RASA3: variants seen among roughly 807,000 people sequenced by gnomAD.
The protein encoded by RASA3 is RAS p21 protein activator 3, also known as ras GTPase-activating protein 3.
RASA3 carries 73 observed loss-of-function variants against 110.0 expected under a neutral mutation model. The observed-to-expected ratio is 0.66, with a 90% CI of 0.55 to 0.81. RASA3 has a LOEUF of 0.81. RASA3 is among the 30% of genes least tolerant of loss of function. The pLI is 0.00. For synonymous variants in RASA3, 500 were observed against 451.4 expected (o/e 1.11, Z -1.37); for missense variants, 976 against 1,113.2 (o/e 0.88, Z 1.75).
chr13:114,013,118 TCGGTCCCTCAGC>T lies in RASA3; in HGVS notation c.1512+12_1512+23del. ...GCGTCGCAGGACAGCTCAGAAAGCC[TCGGTCCCTCAGC>T]CGGTCACTCACCGTGTGGTGCGGCG... On this transcript the variant is annotated intron_variant, in intron 15 of 23. Coordinates refer to ENST00000334062, the MANE Select transcript of RASA3 (RefSeq NM_007368.4). 6.3e-7 allele frequency: 1 copy of T among 1,599,904 alleles called. No homozygotes were observed. Among genetic ancestry groups the T allele is most frequent in the Non-Finnish European group, 8.5e-7 (1 of 1,172,866 alleles).
chr13:114,041,413 C>G (rs2054404246), intron 3 of RASA3, among the ~76,000 whole-genome samples: 1 of 152,272 alleles, frequency 6.6e-6, no homozygotes, highest in South Asian at 2.1e-4. Flanking sequence ...CGGTAAGTCT[C>G]CACTGTGTCC....
chr13:113,982,990 C>G (rs936167854), intron 22 of RASA3, among the ~76,000 whole-genome samples: 1 of 151,828 alleles, frequency 6.6e-6, no homozygotes, highest in Admixed American at 6.6e-5. Context: ...ACAATTTTTA[C>G]GGCAGCCCAA....
At chr13:114,024,145 C>A in intron 8 of RASA3, 134 bp downstream of exon 8, 1 of 941,782 alleles carries the variant, frequency 1.1e-6, no homozygotes, top group Non-Finnish European at 1.7e-6. Context: ...CTTCTAACAT[C>A]CTGTTGTGAA....
At chr13:114,050,719 C>T (rs566060280) in intron 3 of RASA3, among the ~76,000 whole-genome samples, 2 of 152,366 alleles carry the variant, frequency 1.3e-5, no homozygotes, top group East Asian at 1.9e-4. Context: ...AGACAGCCTA[C>T]GCGTTACCTA....
intron 21 of RASA3, among the ~76,000 whole-genome samples, chr13:113,996,243 G>A (rs2053254331): frequency 1.3e-5 from 2 of 152,152 alleles, no homozygotes; most frequent in African/African-American, 2.4e-5. Context: ...ACGGCCTGGG[G>A]AGTCCCCCTT....
At chr13:114,082,804 T>C (rs1423168751) in intron 1 of RASA3, among the ~76,000 whole-genome samples, 1 of 152,146 alleles carries the variant, frequency 6.6e-6, no homozygotes, top group Admixed American at 6.5e-5. Context: ...AGGGGAAAAA[T>C]GCATGCACGA....
intron 1 of RASA3, among the ~76,000 whole-genome samples, chr13:114,129,947 C>T (rs2080495877): frequency 6.6e-6 from 1 of 152,230 alleles, no homozygotes; most frequent in Non-Finnish European, 1.5e-5. Flanking sequence ...ACCAGGGACT[C>T]AGGCAGGGCA....
chr13:114,019,132 C>T lies in RASA3; in HGVS notation c.786-213G>A, dbSNP rs369255341. On this transcript the variant is annotated intron_variant, in intron 9 of 23. Coordinates refer to ENST00000334062, the MANE Select transcript of RASA3 (RefSeq NM_007368.4). Reference sequence around the variant, plus strand: ...AGGAGGCAAGTGTTGGAGCCAAAGGCGCAGGAGTCAAGGGGGGAAACGCGG... The same window carrying T: ...AGGAGGCAAGTGTTGGAGCCAAAGGTGCAGGAGTCAAGGGGGGAAACGCGG... 2.7e-5 allele frequency among the ~76,000 whole-genome samples: 4 copies of T among 149,822 alleles called. No individual in the cohort carries two copies. In the South Asian group the frequency reaches 8.6e-4, roughly 32 times the overall value.
At chr13:114,012,849 T>C (rs1594319553) in intron 15 of RASA3, among the ~76,000 whole-genome samples, 2 of 90,180 alleles carry the variant, frequency 2.2e-5, no homozygotes, top group Admixed American at 1.2e-4. Flanking sequence ...CCACACACAC[T>C]CCCCACTCAC....
intron 1 of RASA3, among the ~76,000 whole-genome samples, chr13:114,119,902 CCCCT>C (rs1566587636): frequency 1.2e-4 from 6 of 48,726 alleles, no homozygotes; most frequent in South Asian, 1.0e-3. Flanking sequence ...GATCAGGGCC[CCCCT>C]CCCCTCTCCA....
rs191619286 is a variant in RASA3 at position 114,038,664 on chromosome 13, T to C, written c.372+2336A>G. Reference sequence around the variant, plus strand: ...TCATGACCTTGGCAAATGGCAACCTTGACCCAGTGAAGCGCAGAGGATGAG... The same window carrying C: ...TCATGACCTTGGCAAATGGCAACCTCGACCCAGTGAAGCGCAGAGGATGAG... On this transcript the variant is annotated intron_variant, in intron 4 of 23. Coordinates refer to ENST00000334062, the MANE Select transcript of RASA3 (RefSeq NM_007368.4). 1.4e-3 allele frequency among the ~76,000 whole-genome samples: 220 copies of C among 152,296 alleles called. 1 individual carries two copies. The highest frequency in any genetic ancestry group is 3.7e-3 in the African/African-American group (152 of 41,562).
intron 2 of RASA3, among the ~76,000 whole-genome samples, chr13:114,067,796 A>G (rs945683342): frequency 7.2e-5 from 11 of 152,062 alleles, no homozygotes; most frequent in Admixed American, 7.2e-4. Flanking sequence ...GTCCCTGGTG[A>G]TGTCTGATGT....
At chr13:114,120,131 G>A (rs867134826) in intron 1 of RASA3, among the ~76,000 whole-genome samples, 1 of 5,528 alleles carries the variant, frequency 1.8e-4, no homozygotes, top group African/African-American at 8.4e-4. Context: ...CTCCAGCCAG[G>A]CGTCGATCAG....
intron 1 of RASA3, among the ~76,000 whole-genome samples, chr13:114,099,240 G>A (rs1191732549): frequency 6.6e-6 from 1 of 151,968 alleles, no homozygotes; most frequent in Non-Finnish European, 1.5e-5. Flanking sequence ...CAGCAGTGAA[G>A]GTCAGAGCCA....
intron 4 of RASA3, among the ~76,000 whole-genome samples, chr13:114,034,953 G>T (rs1376167605): frequency 6.7e-6 from 1 of 150,222 alleles, no homozygotes; most frequent in Admixed American, 6.6e-5. Context: ...TAGAGCAGAA[G>T]GGAGATCTGA....
intron 17 of RASA3, among the ~76,000 whole-genome samples, chr13:114,008,551 TCC>T (rs374138964): frequency 2.9e-4 from 10 of 34,060 alleles, no homozygotes; most frequent in African/African-American, 5.4e-4. Context: ...GCCTGGATAT[TCC>T]CCCCACGCAC....
chr13:114,041,265 CA>C (rs919144133), intron 3 of RASA3, among the ~76,000 whole-genome samples, 171 bp from the exon 4 acceptor site: 1 of 152,150 alleles, frequency 6.6e-6, no homozygotes, highest in African/African-American at 2.4e-5. Flanking sequence ...TTGGGAGGCC[CA>C]GGGGGGAGGG....
chr13:114,079,315 C>T (rs890279394), intron 1 of RASA3, among the ~76,000 whole-genome samples: 1 of 152,182 alleles, frequency 6.6e-6, no homozygotes, highest in Admixed American at 6.5e-5. Context: ...GGCGACAGCC[C>T]CGGTGCATGG....
chr13:114,027,326 C>T (rs2054044296), intron 7 of RASA3, 63 bp downstream of exon 7: 1 of 1,348,206 alleles, frequency 7.4e-7, no homozygotes, highest in South Asian at 1.2e-5. Context: ...TGGATCCAGA[C>T]TTTCTGCCAA....
Sources: gnomAD v4.1 joint callset for allele counts (sites outside exome capture counted in the v4.1 genomes callset) on GRCh38, gnomAD v4.1.1 for gene constraint, MANE v1.5 for transcripts, NCBI Gene and HGNC (gene_info 2026-07-23, HGNC 2026-07-21) for gene names.